Variants in TP63 observed in about 807,000 individuals in gnomAD.
The protein encoded by TP63 is tumor protein p63, also known as tumor protein 63.
TP63 carries 17 observed loss-of-function variants against 82.8 expected under a neutral mutation model. That is an observed-to-expected ratio of 0.21 (90% CI 0.14 to 0.31). The LOEUF is 0.31. Among genes scored for constraint, TP63 ranks in the 10% least tolerant of loss-of-function variants. The pLI, the probability that TP63 is intolerant of heterozygous loss-of-function variation, is 1.00. For synonymous variants in TP63, 330 were observed against 321.7 expected, an observed-to-expected ratio of 1.03 and a Z score of -0.28; for missense variants, 648 against 895.3, an observed-to-expected ratio of 0.72 and a Z score of 3.52.
intron 1 of TP63, among the ~76,000 whole-genome samples, chr3:189,650,137 A>G (rs903379409): frequency 6.8e-6 from 1 of 146,724 alleles, no homozygotes; most frequent in Non-Finnish European, 1.5e-5. Context: ...TGTCATCCAT[A>G]GGAGGGCATC....
At chr3:189,707,867 C>A (rs962027612) in intron 1 of TP63, among the ~76,000 whole-genome samples, 1 of 152,048 alleles carries the variant, frequency 6.6e-6, no homozygotes, top group African/African-American at 2.4e-5. Context: ...ATATTTTTGA[C>A]CACTAGCTAT....
intron 1 of TP63, among the ~76,000 whole-genome samples, chr3:189,670,141 G>C (rs1714766076): frequency 6.6e-6 from 1 of 152,050 alleles, no homozygotes; most frequent in South Asian, 2.1e-4. Flanking sequence ...AAGCCTGAAT[G>C]TGTATGTGCT....
chr3:189,833,396 T>C (rs765520362), intron 4 of TP63, among the ~76,000 whole-genome samples: 2 of 152,268 alleles, frequency 1.3e-5, no homozygotes, highest in Non-Finnish European at 2.9e-5. Flanking sequence ...TTTAGGATTA[T>C]GTAAGTACAG....
chr3:189,794,420 G>C (rs780573910), intron 3 of TP63, among the ~76,000 whole-genome samples: 1 of 151,892 alleles, frequency 6.6e-6, no homozygotes, highest in Non-Finnish European at 1.5e-5. Flanking sequence ...GATCAAGAAA[G>C]TCTATATGCA....
chr3:189,702,466 C>T (rs1717885535), intron 1 of TP63, among the ~76,000 whole-genome samples: 1 of 152,160 alleles, frequency 6.6e-6, no homozygotes. Context: ...TAAATCACCT[C>T]TTCCCTACAG....
intron 3 of TP63, among the ~76,000 whole-genome samples, chr3:189,804,555 C>G (rs1383707168): frequency 1.3e-5 from 2 of 152,284 alleles, no homozygotes; most frequent in Admixed American, 6.5e-5. Flanking sequence ...TAATGGCCAG[C>G]CCTTGGCTTC....
chr3:189,739,865 G>A (rs1253420715), intron 3 of TP63, among the ~76,000 whole-genome samples: 1 of 151,842 alleles, frequency 6.6e-6, no homozygotes, highest in Admixed American at 6.6e-5. Flanking sequence ...AAAACTAGTG[G>A]GGGGAAGCTA....
intron 1 of TP63, among the ~76,000 whole-genome samples, chr3:189,645,010 G>C (rs12630321): frequency 0.069 from 10,444 of 151,830 alleles, 471 homozygotes; most frequent in Middle Eastern, 0.2. Flanking sequence ...CACTGTAAGG[G>C]ACTATGGCTG....
At chr3:189,875,617 T>TATATACACAC (rs1553859732) in intron 10 of TP63, among the ~76,000 whole-genome samples, 4 of 104,080 alleles carry the variant, frequency 3.8e-5, no homozygotes, top group Non-Finnish European at 7.9e-5. Context: ...TATATATATA[T>TATATACACAC]ATATATATAT....
chr3:189,856,982 T>G (rs1362155758), intron 4 of TP63, among the ~76,000 whole-genome samples: 3 of 152,038 alleles, frequency 2.0e-5, no homozygotes, highest in Admixed American at 6.6e-5. Context: ...CACAATCTCA[T>G]GCAAAAATCT....
chr3:189,616,947 A>T, the TP63 span, among the ~76,000 whole-genome samples: 1 of 152,198 alleles, frequency 6.6e-6, no homozygotes, highest in African/African-American at 2.4e-5. Flanking sequence ...CACTCAGATT[A>T]TGGACCAGAG....
At chr3:189,615,416 C>T in the TP63 span, among the ~76,000 whole-genome samples, 1 of 152,214 alleles carries the variant, frequency 6.6e-6, no homozygotes, top group African/African-American at 2.4e-5. Flanking sequence ...TCGCCTCTCC[C>T]TCTCATTATT....
At chr3:189,757,798 C>G in intron 3 of TP63, among the ~76,000 whole-genome samples, 1 of 152,144 alleles carries the variant, frequency 6.6e-6, no homozygotes, top group East Asian at 1.9e-4. Flanking sequence ...AGTTGTTACA[C>G]TATTTCACTC....
the TP63 span, among the ~76,000 whole-genome samples, chr3:189,622,517 A>C: frequency 7.9e-5 from 12 of 152,200 alleles, no homozygotes; most frequent in Non-Finnish European, 1.8e-4. Flanking sequence ...TAGTTATCTA[A>C]ATAGGTAATG....
chr3:189,841,048 G>A (rs1714041173), intron 4 of TP63, among the ~76,000 whole-genome samples: 1 of 152,070 alleles, frequency 6.6e-6, no homozygotes, highest in South Asian at 2.1e-4. Context: ...TAAATAGAGG[G>A]TGGATACTTT....
intron 3 of TP63, among the ~76,000 whole-genome samples, chr3:189,771,704 G>A (rs777840190): frequency 6.6e-6 from 1 of 151,870 alleles, no homozygotes; most frequent in African/African-American, 2.4e-5. Flanking sequence ...GTCTTGTTTG[G>A]TTGATTGCTC....
At chr3:189,698,223 G>A (rs1348772510) in intron 1 of TP63, among the ~76,000 whole-genome samples, 1 of 152,012 alleles carries the variant, frequency 6.6e-6, no homozygotes, top group Non-Finnish European at 1.5e-5. Flanking sequence ...AATGTCCTGA[G>A]ACTTTTTGGT....
At chr3:189,894,104 A>G in intron 13 of TP63, 102 bp from the exon 14 acceptor site, 1 of 1,424,202 alleles carries the variant, frequency 7.0e-7, no homozygotes, top group Non-Finnish European at 9.8e-7. Context: ...ATAGATTCAG[A>G]TCAATTAAAC....
rs907306675 is a variant in TP63, at chr3:189,783,737, A to G, written c.325-24535A>G. On this transcript the variant is annotated intron_variant, in intron 3 of 13. Coordinates refer to ENST00000264731, the MANE Select transcript of TP63 (RefSeq NM_003722.5). ...ATGAACATATTGAAACACATGTAAT[A>G]TCACTAGCACTAAAGGGAATTAATA... 2.6e-5 allele frequency among the ~76,000 whole-genome samples: 4 copies of G among 152,096 alleles called. No individual in the cohort carries two copies. The South Asian group carries it at 8.3e-4, about 31-fold the overall frequency.
Sources: allele counts gnomAD v4.1 joint callset (sites outside exome capture counted in the v4.1 genomes callset), GRCh38; gene constraint gnomAD v4.1.1; transcripts MANE v1.5; gene names NCBI Gene and HGNC (gene_info 2026-07-23, HGNC 2026-07-21).